Variants in PPP2R1B observed in about 807,000 individuals in gnomAD.
The protein encoded by PPP2R1B is serine/threonine-protein phosphatase 2A 65 kDa regulatory subunit A beta isoform.
In PPP2R1B, 58 loss-of-function variants were observed where a neutral mutation model predicts 72.7. The ratio of observed to expected loss-of-function variants is 0.80; its 90% CI spans 0.65 to 0.99. The LOEUF is 0.99. PPP2R1B is among the 50% of genes least tolerant of loss of function. The pLI is 0.00. For missense variants in PPP2R1B, 695 were observed against 733.6 expected (o/e 0.95, Z 0.61); for synonymous variants, 256 against 264.6 (o/e 0.97, Z 0.32).
the PPP2R1B span, chr11:111,701,669 G>A: frequency 2.7e-6 from 4 of 1,476,012 alleles, no homozygotes; most frequent in Non-Finnish European, 3.6e-6. This position sits in a 1 kb window ranked among gnomAD's most constrained non-coding sequence, Gnocchi z 4.2. Context: ...TAAGAGTTTG[G>A]GTGCCAAATA....
chr11:111,757,632 G>A (rs974630098), intron 5 of PPP2R1B, among the ~76,000 whole-genome samples: 13 of 151,916 alleles, frequency 8.6e-5, no homozygotes, highest in African/African-American at 3.1e-4. Context: ...TCAGGAGTTC[G>A]AGACCAGCCT....
chr11:111,721,795 G>A, the PPP2R1B span: 2 of 1,543,440 alleles, frequency 1.3e-6, no homozygotes, highest in Non-Finnish European at 1.8e-6. Context: ...TCCCCATGGG[G>A]AATTGAAAAT....
At chr11:111,688,259 T>G in the PPP2R1B span, 1 of 1,234,070 alleles carries the variant, frequency 8.1e-7, no homozygotes. The surrounding 1 kb of genome is among the most constrained non-coding windows in gnomAD (Gnocchi z 4.2). Context: ...GCAGCATTTC[T>G]ACCTGATGAC....
In PPP2R1B at chr11:111,741,536, C is replaced by G. The variant is rs761076414; in HGVS notation, c.*60G>C. On this transcript the variant is annotated 3_prime_UTR_variant, in exon 15 of 15. Coordinates refer to ENST00000527614, the MANE Select transcript of PPP2R1B (RefSeq NM_002716.5). ...CATTCTTTCTCCACCCAGTTAAGAA[C>G]ACATTGACTAGAAATTTGTGACAAG... 122 of 1,602,170 alleles carry G rather than the reference C, an allele frequency of 7.6e-5. No individual in the cohort carries two copies. Among genetic ancestry groups the G allele is most frequent in the Non-Finnish European group, 6.5e-5 (76 of 1,176,516 alleles).
chr11:111,692,350 CAAAAAAAAAAAAAAAAAAAAAAAAAAA>C, the PPP2R1B span, among the ~76,000 whole-genome samples: 1 of 26,482 alleles, frequency 3.8e-5, no homozygotes, highest in African/African-American at 1.1e-4. Context: ...GACTCAGTCT[CAAAAAAAAAAAAAAAAAAAAAAAAAAA>C]AAAAAAAAAA....
chr11:111,733,917 C>T (rs1210046377), downstream of PPP2R1B, among the ~76,000 whole-genome samples: 3 of 152,188 alleles, frequency 2.0e-5, no homozygotes, highest in African/African-American at 7.2e-5. Context: ...AGCCCGGGAG[C>T]CACCACCTGG....
At chr11:111,764,252 G>A (rs1319087533) in intron 3 of PPP2R1B, among the ~76,000 whole-genome samples, 1 of 150,052 alleles carries the variant, frequency 6.7e-6, no homozygotes, top group African/African-American at 2.5e-5. Flanking sequence ...TCACTATGTT[G>A]CCCAGGCTGG....
intron 1 of PPP2R1B, among the ~76,000 whole-genome samples, chr11:111,765,625 G>A (rs1393061751): frequency 6.6e-6 from 1 of 152,124 alleles, no homozygotes; most frequent in Non-Finnish European, 1.5e-5. Flanking sequence ...GAGAAATGAA[G>A]GAAAGACAAT....
chr11:111,730,671 T>C (rs1342426216), intron 15 of PPP2R1B: 4 of 151,876 alleles, frequency 2.6e-5, no homozygotes, highest in African/African-American at 9.7e-5. Context: ...ATAGCTCCAA[T>C]GTGAAAAAAA....
the PPP2R1B span, among the ~76,000 whole-genome samples, chr11:111,693,655 C>T: frequency 3.3e-5 from 5 of 152,300 alleles, no homozygotes; most frequent in South Asian, 6.2e-4. Flanking sequence ...ATTAATCACA[C>T]GTCAAACAGG....
At chr11:111,702,939 T>C in the PPP2R1B span, among the ~76,000 whole-genome samples, 1 of 151,222 alleles carries the variant, frequency 6.6e-6, no homozygotes, top group Admixed American at 6.6e-5. Flanking sequence ...TTCTAGATAT[T>C]TTCAGTTGTG....
At chr11:111,703,220 C>T in the PPP2R1B span, 1 of 1,614,086 alleles carries the variant, frequency 6.2e-7, no homozygotes, top group Non-Finnish European at 8.5e-7. Context: ...GCACCTTATC[C>T]GAAGGATGTT....
At chr11:111,715,479 A>G in the PPP2R1B span, among the ~76,000 whole-genome samples, 3 of 152,212 alleles carry the variant, frequency 2.0e-5, no homozygotes, top group Non-Finnish European at 4.4e-5. Context: ...GTGCATCTCA[A>G]AGAGACTTCA....
chr11:111,724,657 A>G (rs937657686), downstream of PPP2R1B: 1 of 157,490 alleles, frequency 6.3e-6, no homozygotes. Context: ...CTAAGTTCTT[A>G]GCTGCTGATG....
rs1378665468 is a variant in PPP2R1B at position 111,739,242 on chromosome 11, C to T, written c.*2354G>A. Reference sequence around the variant, plus strand: ...GACACTGTTCCAGGCACTGGCGATACAGTAGAAGATAAAACAGACAAAAAT... The same window carrying T: ...GACACTGTTCCAGGCACTGGCGATATAGTAGAAGATAAAACAGACAAAAAT... On this transcript the variant is annotated 3_prime_UTR_variant, in exon 15 of 15. Transcript: ENST00000527614. 1.0e-6 allele frequency: 1 copy of T among 972,482 alleles called. No homozygotes were observed. Among genetic ancestry groups the T allele is most frequent in the Non-Finnish European group, 1.2e-6 (1 of 818,470 alleles). The allele number at this position is 972,482 out of a possible 1,614,324, so 60.2% of individuals were successfully genotyped here. A position where few individuals can be genotyped will look rare whatever the true frequency, so the allele number is the denominator to read the frequency against.
intron 15 of PPP2R1B, chr11:111,727,864 G>C (rs1011878817): frequency 6.6e-6 from 1 of 152,306 alleles, no homozygotes; most frequent in African/African-American, 2.4e-5. Context: ...CAAGGACACA[G>C]TGAGTGAGTG....
chr11:111,745,372 C>T (rs535879896), intron 11 of PPP2R1B, among the ~76,000 whole-genome samples: 1 of 152,096 alleles, frequency 6.6e-6, no homozygotes, highest in African/African-American at 2.4e-5. Context: ...TTTTTTAACA[C>T]GCTTTAGATT....
intron 15 of PPP2R1B, among the ~76,000 whole-genome samples, chr11:111,732,669 C>T (rs751353685): frequency 5.9e-5 from 9 of 152,164 alleles, no homozygotes; most frequent in Non-Finnish European, 1.2e-4. Context: ...CCAGCCTGAG[C>T]GACACAGCAA....
At chr11:111,704,395 T>G in the PPP2R1B span, among the ~76,000 whole-genome samples, 1 of 152,170 alleles carries the variant, frequency 6.6e-6, no homozygotes, top group Admixed American at 6.5e-5. Context: ...GATGTGAACA[T>G]TTGGGAAGCA....
Sources: allele counts gnomAD v4.1 joint callset (sites outside exome capture counted in the v4.1 genomes callset), GRCh38; gene constraint gnomAD v4.1.1; non-coding constraint Gnocchi (gnomAD v3.1); transcripts MANE v1.5; gene names NCBI Gene and HGNC (gene_info 2026-07-23, HGNC 2026-07-21).